SLC38A6: variants seen among roughly 807,000 people sequenced by gnomAD.
The protein encoded by SLC38A6 is solute carrier family 38 member 6, also known as N system amino acid transporter NAT-1.
SLC38A6 carries 73 observed loss-of-function variants against 65.0 expected under a neutral mutation model. The observed-to-expected ratio is 1.12, with a 90% confidence interval of 0.93 to 1.37. SLC38A6 has a LOEUF of 1.37. SLC38A6 is among the 40% of genes most tolerant of loss of function. The probability of loss-of-function intolerance (pLI) is 0.00; values close to 1 mark genes in which losing one functional copy is unlikely to be tolerated. For synonymous variants in SLC38A6, 183 were observed against 178.8 expected (o/e 1.02, Z -0.19); for missense variants, 561 against 531.1 (o/e 1.06, Z -0.55).
chr14:61,021,776 G>A (rs2139593651), intron 5 of SLC38A6, among the ~76,000 whole-genome samples: 1 of 152,266 alleles, frequency 6.6e-6, no homozygotes, highest in Non-Finnish European at 1.5e-5. Flanking sequence ...GGTTAAAAGT[G>A]TATTAAGTGC....
chr14:61,065,039 G>A (rs1304856279), intron 15 of SLC38A6, among the ~76,000 whole-genome samples: 1 of 152,166 alleles, frequency 6.6e-6, no homozygotes, highest in African/African-American at 2.4e-5. Flanking sequence ...TGGTTGCAGA[G>A]AAAACAAGAC....
At chr14:61,053,274 T>C (rs770406635), downstream of SLC38A6, among the ~76,000 whole-genome samples, 18 of 152,172 alleles carry the variant, frequency 1.2e-4, no homozygotes, top group Admixed American at 6.5e-5. Flanking sequence ...CAGTCTGTCA[T>C]TGATGGGTAT....
intron 15 of SLC38A6, chr14:61,073,841 C>G (rs900631673): frequency 3.3e-5 from 5 of 151,794 alleles, no homozygotes; most frequent in Non-Finnish European, 5.9e-5. Context: ...TCTGCCACCC[C>G]GAGAAGGCAA....
chr14:61,005,629 T>C (rs1327588789), intron 3 of SLC38A6, among the ~76,000 whole-genome samples: 1 of 152,108 alleles, frequency 6.6e-6, no homozygotes, highest in African/African-American at 2.4e-5. Context: ...TTAGAAGGGA[T>C]GTGAAGGACC....
chr14:61,035,322 C>G (rs1444737341), intron 6 of SLC38A6, among the ~76,000 whole-genome samples: 1 of 152,112 alleles, frequency 6.6e-6, no homozygotes, highest in Non-Finnish European at 1.5e-5. Flanking sequence ...TTCGCAAAAG[C>G]TTTCAAAACT....
intron 15 of SLC38A6, among the ~76,000 whole-genome samples, chr14:61,073,012 C>G (rs569514966): frequency 1.1e-4 from 17 of 152,194 alleles, no homozygotes; most frequent in Non-Finnish European, 1.9e-4. Flanking sequence ...CATAAAGGTC[C>G]CCTTTCCCCT....
chr14:61,019,632 C>T, intron 5 of SLC38A6, 52 bp downstream of exon 5: 6 of 1,553,152 alleles, frequency 3.9e-6, no homozygotes, highest in Non-Finnish European at 5.3e-6. Context: ...GCAATAATGT[C>T]CTTTGAATTG....
intron 2 of SLC38A6, among the ~76,000 whole-genome samples, chr14:60,983,689 C>A (rs1200182424): frequency 6.6e-6 from 1 of 151,962 alleles, no homozygotes; most frequent in African/African-American, 2.4e-5. Flanking sequence ...TTTAAGTAAC[C>A]CAACTTGCTT....
intron 8 of SLC38A6, among the ~76,000 whole-genome samples, chr14:61,039,305 G>T (rs531270138): frequency 2.0e-5 from 3 of 152,214 alleles, no homozygotes; most frequent in Non-Finnish European, 2.9e-5. Context: ...CTACAGTGGG[G>T]CAATGAAGAA....
chr14:60,984,880 T>C (rs2139675970), intron 3 of SLC38A6, 77 bp downstream of exon 3: 1 of 1,272,604 alleles, frequency 7.9e-7, no homozygotes, highest in East Asian at 2.3e-5. Flanking sequence ...ACTGGATGTC[T>C]CAAATCTAAT....
At chr14:61,034,123 T>C (rs1342578856) in intron 6 of SLC38A6, 6 of 152,148 alleles carry the variant, frequency 3.9e-5, no homozygotes, top group African/African-American at 1.4e-4. Flanking sequence ...GGTAAAGTTA[T>C]CTTCAGTCCC....
chr14:61,015,825 G>A (rs1257272141), intron 3 of SLC38A6, 79 bp from the exon 4 acceptor site: 3 of 1,105,080 alleles, frequency 2.7e-6, no homozygotes, highest in South Asian at 1.6e-5. Flanking sequence ...TTAGTTTGTA[G>A]TAGGACCTGC....
chr14:61,069,245 C>T (rs531612226), intron 15 of SLC38A6, among the ~76,000 whole-genome samples: 1 of 152,152 alleles, frequency 6.6e-6, no homozygotes, highest in Non-Finnish European at 1.5e-5. Context: ...TTGCCTGTTA[C>T]TGTTCTCTGG....
At chr14:61,055,210 G>A (rs2042672729), downstream of SLC38A6, among the ~76,000 whole-genome samples, 1 of 76,434 alleles carries the variant, frequency 1.3e-5, no homozygotes, top group African/African-American at 5.1e-5. Context: ...CTGGTGCGCT[G>A]CACCCACTAA....
intron 15 of SLC38A6, among the ~76,000 whole-genome samples, chr14:61,075,465 A>T (rs1035672196): frequency 1.3e-5 from 2 of 152,204 alleles, no homozygotes; most frequent in Non-Finnish European, 2.9e-5. Context: ...GACGATCCTC[A>T]TATGAGGGAT....
chr14:60,985,943 T>C (rs2037419031), intron 3 of SLC38A6, among the ~76,000 whole-genome samples: 1 of 152,176 alleles, frequency 6.6e-6, no homozygotes, highest in African/African-American at 2.4e-5. Flanking sequence ...CCAGCTCTCA[T>C]GAAACTAATA....
intron 3 of SLC38A6, among the ~76,000 whole-genome samples, chr14:60,999,108 A>G (rs188444203): frequency 6.6e-5 from 10 of 152,340 alleles, no homozygotes; most frequent in African/African-American, 2.4e-4. Context: ...TAAACTGGAG[A>G]GTTAGACAAG....
At chr14:61,063,200 T>C (rs2042914120) in intron 15 of SLC38A6, among the ~76,000 whole-genome samples, 1 of 152,188 alleles carries the variant, frequency 6.6e-6, no homozygotes, top group African/African-American at 2.4e-5. Flanking sequence ...CATCAGTCAC[T>C]AATAACAAAA....
chr14:61,083,636 G>C, exon 17 of SLC38A6: 1 of 1,550,434 alleles, frequency 6.4e-7, no homozygotes, highest in Non-Finnish European at 8.7e-7. Flanking sequence ...CAAGCCAAGG[G>C]AAGAGGCCTC....
Sources: gnomAD v4.1 joint callset for allele counts (sites outside exome capture counted in the v4.1 genomes callset) on GRCh38, gnomAD v4.1.1 for gene constraint, MANE v1.5 for transcripts, NCBI Gene and HGNC (gene_info 2026-07-23, HGNC 2026-07-21) for gene names.